BCL7C: variants seen among roughly 807,000 people sequenced by gnomAD.
BCL7C encodes the protein B-cell CLL/lymphoma 7 protein family member C.
A neutral mutation model predicts 26.2 loss-of-function variants in BCL7C; 8 were observed. The ratio of observed to expected loss-of-function variants is 0.30; its 90% CI spans 0.18 to 0.55. BCL7C has a LOEUF of 0.55. BCL7C is among the 20% of genes least tolerant of loss of function. BCL7C has a pLI of 0.93. For synonymous variants in BCL7C, 90 were observed against 116.5 expected (o/e 0.77, Z 1.47); for missense variants, 262 against 298.5 (o/e 0.88, Z 0.90).
chr16:30,847,968 G>T (rs542506105), intron 5 of BCL7C, among the ~76,000 whole-genome samples: 1 of 151,914 alleles, frequency 6.6e-6, no homozygotes, highest in African/African-American at 2.4e-5. Flanking sequence ...AAGGATGTTA[G>T]ACCAGTGAGG....
intron 5 of BCL7C, among the ~76,000 whole-genome samples, chr16:30,872,449 C>T (rs1394316103): frequency 1.3e-5 from 2 of 152,146 alleles, no homozygotes; most frequent in South Asian, 2.1e-4. Flanking sequence ...AGAGATCAGA[C>T]TCTCCTCACC....
chr16:30,873,571 G>T (rs1006798739), intron 5 of BCL7C, among the ~76,000 whole-genome samples: 1 of 152,002 alleles, frequency 6.6e-6, no homozygotes, highest in Non-Finnish European at 1.5e-5. Context: ...TATATGGGCC[G>T]GGTGTGATGG....
chr16:30,875,808 A>C (rs1188417970), intron 5 of BCL7C: 1 of 152,234 alleles, frequency 6.6e-6, no homozygotes, highest in Non-Finnish European at 1.5e-5. Flanking sequence ...ACTGCTTTTA[A>C]GGCCATCCTC....
At chr16:30,873,002 G>C (rs568851164) in intron 5 of BCL7C, among the ~76,000 whole-genome samples, 6 of 152,146 alleles carry the variant, frequency 3.9e-5, no homozygotes, top group Non-Finnish European at 8.8e-5. Context: ...CCCAACCTCT[G>C]ACAAATTTGT....
At chr16:30,866,065 A>G (rs979151941) in intron 5 of BCL7C, among the ~76,000 whole-genome samples, 1 of 152,032 alleles carries the variant, frequency 6.6e-6, no homozygotes, top group Middle Eastern at 3.2e-3. Flanking sequence ...ACAAATCCTC[A>G]TAATAGACGA....
intron 5 of BCL7C, among the ~76,000 whole-genome samples, chr16:30,846,395 T>C (rs1260567605): frequency 6.6e-6 from 1 of 151,048 alleles, no homozygotes; most frequent in Non-Finnish European, 1.5e-5. Flanking sequence ...CCGGCTAAAT[T>C]TTTTTGTATT....
At chr16:30,888,057 C>T in intron 5 of BCL7C, 67 bp from the exon 6 acceptor site, 3 of 1,516,814 alleles carry the variant, frequency 2.0e-6, no homozygotes, top group Admixed American at 2.3e-5. Flanking sequence ...GAGCCTCTGC[C>T]TTCTCCAAAG....
At chr16:30,836,683 T>G (rs2054571476) in intron 5 of BCL7C, among the ~76,000 whole-genome samples, 1 of 151,824 alleles carries the variant, frequency 6.6e-6, no homozygotes, top group Admixed American at 6.6e-5. Flanking sequence ...GCCATGTTGC[T>G]CAGGCTGGTC....
chr16:30,870,762 G>A (rs2054875913), intron 5 of BCL7C, among the ~76,000 whole-genome samples: 2 of 152,156 alleles, frequency 1.3e-5, no homozygotes, highest in African/African-American at 4.8e-5. Context: ...ACTTGCTGGG[G>A]TACCACAGCC....
intron 5 of BCL7C, among the ~76,000 whole-genome samples, chr16:30,876,693 TAA>T (rs1301333784): frequency 6.6e-6 from 1 of 151,668 alleles, no homozygotes; most frequent in Non-Finnish European, 1.5e-5. Flanking sequence ...AAGCCTGAGA[TAA>T]GAGAGAGAAG....
At chr16:30,891,618 T>C (rs932110867) in intron 4 of BCL7C, among the ~76,000 whole-genome samples, 4 of 152,154 alleles carry the variant, frequency 2.6e-5, no homozygotes, top group Non-Finnish European at 5.9e-5. Context: ...CAACAGATAT[T>C]TACTGAGCAC....
chr16:30,871,774 C>T (rs2054884597), intron 5 of BCL7C, among the ~76,000 whole-genome samples: 1 of 152,086 alleles, frequency 6.6e-6, no homozygotes. Context: ...TGTGAGCCAT[C>T]GCACCCGGCC....
At chr16:30,878,842 CAAAAA>C (rs1402617371) in intron 5 of BCL7C, among the ~76,000 whole-genome samples, 1 of 98,824 alleles carries the variant, frequency 1.0e-5, no homozygotes, top group Non-Finnish European at 2.1e-5. Context: ...GACTCCGTCT[CAAAAA>C]AAAAAAAAAA....
At chr16:30,879,700 A>AAAAAAAAAAC (rs2055011920) in intron 5 of BCL7C, among the ~76,000 whole-genome samples, 1 of 135,004 alleles carries the variant, frequency 7.4e-6, no homozygotes, top group Non-Finnish European at 1.7e-5. Context: ...AAAAAAAAAA[A>AAAAAAAAAAC]AAAAAAAAAC....
intron 5 of BCL7C, among the ~76,000 whole-genome samples, chr16:30,862,629 CTCAT>C (rs2054787779): frequency 6.7e-6 from 1 of 148,404 alleles, no homozygotes; most frequent in African/African-American, 2.5e-5. Flanking sequence ...AAATTTCTTC[CTCAT>C]TCATTATCTA....
intron 5 of BCL7C, among the ~76,000 whole-genome samples, chr16:30,868,524 G>A (rs1471855602): frequency 1.3e-5 from 2 of 149,460 alleles, no homozygotes; most frequent in African/African-American, 2.4e-5. Flanking sequence ...GGTGGCTCAC[G>A]CCTGTAATCC....
Position 30,892,943 on chromosome 16 carries a change from T to G in BCL7C, c.177A>C (p.Arg59=). 6.2e-7 allele frequency: 1 copy of G among 1,612,410 alleles called. No individual in the cohort carries two copies. The highest frequency in any genetic ancestry group is 8.5e-7 in the Non-Finnish European group (1 of 1,179,638). The change falls in exon 3 of 6, where the codon CGA becomes CGC. Residue 59 remains arginine (R), a synonymous_variant. Transcript: ENST00000215115. ...TCTCTGCCCCGCCACCTGCCCGCCT[T>G]CGCTCCTGGGGGTTAGAGGATTAGG... ...VPVVDPQEEE[R]RRAGGGAERS... is the part of the protein sequence containing the mutation.
chr16:30,836,343 C>G (rs1387130271), intron 5 of BCL7C, among the ~76,000 whole-genome samples: 1 of 152,156 alleles, frequency 6.6e-6, no homozygotes, highest in African/African-American at 2.4e-5. Context: ...TGGCATGTGC[C>G]TGTAGTCCCA....
intron 5 of BCL7C, among the ~76,000 whole-genome samples, chr16:30,865,525 C>G (rs1376495422): frequency 1.3e-5 from 2 of 151,984 alleles, no homozygotes; most frequent in Non-Finnish European, 2.9e-5. Context: ...TTGCAGTGAA[C>G]TATGATTATG....
Sources: gnomAD v4.1 joint callset for allele counts (sites outside exome capture counted in the v4.1 genomes callset) on GRCh38, gnomAD v4.1.1 for gene constraint, MANE v1.5 for transcripts, NCBI Gene and HGNC (gene_info 2026-07-23, HGNC 2026-07-21) for gene names.